NDC80: variants seen among roughly 807,000 people sequenced by gnomAD.
The protein encoded by NDC80 is NDC80 kinetochore complex component.
Under a neutral mutation model 89.3 loss-of-function variants are expected in NDC80, and 69 were observed. That is an observed-to-expected ratio of 0.77 (90% confidence interval 0.64 to 0.94). The LOEUF (loss-of-function observed/expected upper bound fraction) is 0.94, where lower values mean the gene tolerates loss of function less well. Among genes scored for constraint, NDC80 ranks in the 40% least tolerant of loss-of-function variants. The probability of loss-of-function intolerance (pLI) is 0.00; values close to 1 mark genes in which losing one functional copy is unlikely to be tolerated. For synonymous variants in NDC80, 243 were observed against 255.6 expected (o/e 0.95, Z 0.47); for missense variants, 593 against 739.6 (o/e 0.80, Z 2.30).
At position 2,571,637 on chromosome 18, in the gene NDC80, T is replaced by G. The variant is rs1251095099; in HGVS notation, c.-56T>G. On this transcript the variant is annotated 5_prime_UTR_variant, in exon 1 of 17. Coordinates refer to ENST00000261597, the MANE Select transcript of NDC80 (RefSeq NM_006101.3). ...TCCTGTCTAGCAGATACTTGCACGG[T>G]TTACAGAAATTCGGTCCCTGGGTCG... 2.0e-5 allele frequency: 3 copies of G among 152,276 alleles called. No individual in the cohort carries two copies. The highest frequency in any genetic ancestry group is 4.4e-5 in the Non-Finnish European group (3 of 68,112). 9.4% of individuals were successfully genotyped at this position (152,276 alleles called of 1,614,324 possible).
chr18:2,595,874 T>C (rs980023822), intron 11 of NDC80, among the ~76,000 whole-genome samples: 1 of 152,226 alleles, frequency 6.6e-6, no homozygotes, highest in Non-Finnish European at 1.5e-5. Context: ...ATGAAAATAA[T>C]GTTCATAGGT....
Position 2,616,417 on chromosome 18 carries a change from T to C in NDC80, c.1792-20T>C. ...AAATTAATTTTTTTTACTTTAACAA[T>C]TGTTAATTCTCTTCACTAGAAACAT... On this transcript the variant is annotated intron_variant, in intron 16 of 16. Transcript: ENST00000261597. The C allele has an allele frequency of 2.8e-6, 4 of 1,417,468 alleles. No individual in the cohort carries two copies. Among genetic ancestry groups the C allele is most frequent in the Non-Finnish European group, 3.8e-6 (4 of 1,051,120 alleles). The allele number at this position is 1,417,468 out of a possible 1,614,324, so 87.8% of individuals were successfully genotyped here.
At chr18:2,591,848 G>A (rs2072629259) in intron 10 of NDC80, among the ~76,000 whole-genome samples, 1 of 150,502 alleles carries the variant, frequency 6.6e-6, no homozygotes, top group Non-Finnish European at 1.5e-5. Flanking sequence ...TCCGCCTCCC[G>A]GGTTCAAATA....
intron 16 of NDC80, 133 bp downstream of exon 16, chr18:2,610,994 G>T: frequency 7.1e-6 from 3 of 424,848 alleles, no homozygotes; most frequent in Non-Finnish European, 7.8e-6. Flanking sequence ...AAATTTATCA[G>T]AAGAATCTTG....
intron 1 of NDC80, among the ~76,000 whole-genome samples, chr18:2,571,926 G>A (rs953515748): frequency 6.6e-6 from 1 of 152,126 alleles, no homozygotes; most frequent in African/African-American, 2.4e-5. Context: ...ATGAGGAGTG[G>A]AGGCTCGGGA....
At chr18:2,580,685 GATGCCC>G in intron 6 of NDC80, among the ~76,000 whole-genome samples, 1 of 143,960 alleles carries the variant, frequency 6.9e-6, no homozygotes, top group East Asian at 2.1e-4. Flanking sequence ...TCTCCCCGGT[GATGCCC>G]ATGGACATTT....
intron 7 of NDC80, among the ~76,000 whole-genome samples, chr18:2,585,668 A>C (rs2644198): frequency 0.72 from 110,102 of 151,934 alleles, 40,248 homozygotes; most frequent in East Asian, 0.87. Context: ...TGAAAACATT[A>C]TAAATTTGTT....
intron 10 of NDC80, among the ~76,000 whole-genome samples, chr18:2,590,865 A>G (rs2677883): frequency 0.19 from 28,428 of 152,156 alleles, 3,086 homozygotes; most frequent in Non-Finnish European, 0.25. Context: ...ACAAATATAT[A>G]CTGTATTCCA....
In NDC80 at chr18:2,595,603, T is replaced by C; in HGVS notation, c.1203T>C (p.Tyr401=). The C allele has an allele frequency of 6.2e-7, 1 of 1,613,388 alleles. No homozygotes were observed. The highest frequency in any genetic ancestry group is 1.1e-5 in the South Asian group (1 of 91,034). Residue 401 remains tyrosine, a synonymous_variant, in exon 11 of 17, where the codon TAT becomes TAC. Transcript: ENST00000261597. ...QQKLWNEELK[Y]ARGKEAIETQ... is the part of the protein sequence containing the mutation. ...AGTTGTGGAATGAGGAGTTAAAATA[T>C]GCCAGAGGCAAAGAAGCGGTATGTC...
At chr18:2,573,901 A>T (rs1295133631) in intron 2 of NDC80, among the ~76,000 whole-genome samples, 1 of 152,126 alleles carries the variant, frequency 6.6e-6, no homozygotes, top group African/African-American at 2.4e-5. Flanking sequence ...AGTTTAGATA[A>T]TGTAATAAGT....
At chr18:2,603,360 T>TAC in intron 13 of NDC80, among the ~76,000 whole-genome samples, 1 of 123,752 alleles carries the variant, frequency 8.1e-6, no homozygotes, top group East Asian at 2.0e-4. Context: ...TTTATACATA[T>TAC]ATATATATAT....
intron 6 of NDC80, among the ~76,000 whole-genome samples, chr18:2,581,359 T>G (rs759477603): frequency 1.3e-5 from 2 of 152,136 alleles, no homozygotes; most frequent in Non-Finnish European, 2.9e-5. Context: ...CACAGTCCCA[T>G]TTATGGAAAA....
intron 6 of NDC80, among the ~76,000 whole-genome samples, chr18:2,581,801 A>G (rs1424767184): frequency 1.3e-5 from 2 of 152,140 alleles, no homozygotes; most frequent in African/African-American, 2.4e-5. Flanking sequence ...TATCTAGAAG[A>G]TGAACATTCT....
At chr18:2,589,144 TG>T in intron 8 of NDC80, 59 bp from the exon 9 acceptor site, 2 of 1,108,468 alleles carry the variant, frequency 1.8e-6, no homozygotes, top group Non-Finnish European at 2.8e-6. Flanking sequence ...GGTGAAAACT[TG>T]GGAAAGAATG....
chr18:2,577,948 G>A (rs758036108), intron 4 of NDC80, 21 bp from the exon 5 acceptor site: 1 of 1,609,850 alleles, frequency 6.2e-7, no homozygotes, highest in East Asian at 2.2e-5. Flanking sequence ...AACGTTTGGT[G>A]GTTCATAAAA....
intron 15 of NDC80, among the ~76,000 whole-genome samples, chr18:2,609,760 A>G (rs1008078013): frequency 6.6e-6 from 1 of 152,200 alleles, no homozygotes; most frequent in South Asian, 2.1e-4. Flanking sequence ...TACTGGATGC[A>G]TGTGGCTCAT....
intron 14 of NDC80, among the ~76,000 whole-genome samples, chr18:2,607,028 C>T (rs2072715647): frequency 6.6e-6 from 1 of 152,110 alleles, no homozygotes; most frequent in Non-Finnish European, 1.5e-5. Flanking sequence ...ATTCAGATGA[C>T]TCTATTCATT....
At chr18:2,607,868 A>G (rs562683135) in intron 14 of NDC80, among the ~76,000 whole-genome samples, 18 of 148,518 alleles carry the variant, frequency 1.2e-4, no homozygotes, top group African/African-American at 3.7e-4. Flanking sequence ...GTTTTTCATA[A>G]TCTGTCTTTC....
chr18:2,595,040 T>C (rs1044245180), intron 10 of NDC80: 2 of 152,442 alleles, frequency 1.3e-5, no homozygotes, highest in African/African-American at 4.8e-5. Flanking sequence ...GCAGTCATTA[T>C]TTATGAAGCC....
Sources: allele counts gnomAD v4.1 joint callset (sites outside exome capture counted in the v4.1 genomes callset), GRCh38; gene constraint gnomAD v4.1.1; transcripts MANE v1.5; gene names NCBI Gene and HGNC (gene_info 2026-07-23, HGNC 2026-07-21).